The following ZNF33B variants were observed in gnomAD, a reference collection of about 807,000 sequenced individuals.
ZNF33B encodes the protein zinc finger protein 33B, also known as zinc finger protein 11b (KOX 2).
A neutral mutation model predicts 45.8 loss-of-function variants in ZNF33B; 29 were observed. The ratio of observed to expected loss-of-function variants is 0.63; its 90% CI spans 0.47 to 0.86. The LOEUF is 0.86. ZNF33B is among the 40% of genes least tolerant of loss of function. The probability of loss-of-function intolerance (pLI) is 0.00; values close to 1 mark genes in which losing one functional copy is unlikely to be tolerated. For synonymous variants in ZNF33B, 305 were observed against 307.8 expected, an observed-to-expected ratio of 0.99 and a Z score of 0.10; for missense variants, 831 against 909.9, an observed-to-expected ratio of 0.91 and a Z score of 1.12.
At chr10:42,575,594 C>A (rs186585571) in intron 1 of ZNF33B, among the ~76,000 whole-genome samples, 20 of 152,020 alleles carry the variant, frequency 1.3e-4, no homozygotes, top group Admixed American at 1.2e-3. Flanking sequence ...AATATTTCCA[C>A]AATTATGATG....
intron 4 of ZNF33B, among the ~76,000 whole-genome samples, chr10:42,617,843 T>C (rs951413575): frequency 1.3e-5 from 2 of 152,208 alleles, no homozygotes; most frequent in South Asian, 2.1e-4. Flanking sequence ...AATTGGCTAA[T>C]AGATTTCAAA....
intron 4 of ZNF33B, among the ~76,000 whole-genome samples, chr10:42,619,385 C>T (rs1165652313): frequency 6.6e-6 from 1 of 152,112 alleles, no homozygotes; most frequent in African/African-American, 2.4e-5. Flanking sequence ...TCTGAGAATT[C>T]TCTAGCTGGT....
chr10:42,612,227 A>G (rs867295490), intron 4 of ZNF33B, among the ~76,000 whole-genome samples: 3,027 of 138,950 alleles, frequency 0.022, 74 homozygotes, highest in Admixed American at 0.098. Context: ...CAGGTTACAG[A>G]AGTTGATTTT....
At chr10:42,631,233 TC>T (rs1839039142) in intron 4 of ZNF33B, among the ~76,000 whole-genome samples, 1 of 151,952 alleles carries the variant, frequency 6.6e-6, no homozygotes, top group South Asian at 2.1e-4. Flanking sequence ...TGAGACAGAG[TC>T]TCGCTCTGTC....
intron 1 of ZNF33B, among the ~76,000 whole-genome samples, chr10:42,577,184 G>C (rs761590423): frequency 2.0e-5 from 3 of 148,302 alleles, no homozygotes; most frequent in Non-Finnish European, 3.0e-5. Context: ...AAGATGGCTA[G>C]AGAGGACAGC....
At chr10:42,629,824 C>T (rs1838970519) in intron 4 of ZNF33B, among the ~76,000 whole-genome samples, 2 of 152,242 alleles carry the variant, frequency 1.3e-5, no homozygotes, top group South Asian at 2.1e-4. Flanking sequence ...AAGTGTACCA[C>T]ATTTTATAGT....
At chr10:42,633,734 G>A (rs888684524) in intron 2 of ZNF33B, among the ~76,000 whole-genome samples, 11 of 152,140 alleles carry the variant, frequency 7.2e-5, no homozygotes, top group South Asian at 2.1e-4. Context: ...TTGGGAGGCC[G>A]AGGCGGGTGG....
intron 4 of ZNF33B, among the ~76,000 whole-genome samples, chr10:42,613,364 A>G (rs1330498551): frequency 6.6e-6 from 1 of 152,072 alleles, no homozygotes; most frequent in Non-Finnish European, 1.5e-5. Context: ...CCTGTACAAC[A>G]TGGCAAAATC....
intron 1 of ZNF33B, among the ~76,000 whole-genome samples, chr10:42,575,761 C>T (rs1836740553): frequency 6.8e-6 from 1 of 147,722 alleles, no homozygotes; most frequent in African/African-American, 2.5e-5. Context: ...GACAGAGTCT[C>T]ACTGTGTAGC....
intron 4 of ZNF33B, among the ~76,000 whole-genome samples, chr10:42,614,814 C>T (rs1408856279): frequency 5.3e-5 from 8 of 152,032 alleles, no homozygotes; most frequent in Middle Eastern, 3.4e-3. Context: ...ATTAGCCAGG[C>T]GTGGTGGTGG....
chr10:42,610,552 A>ATAAG (rs1838058821), intron 4 of ZNF33B, among the ~76,000 whole-genome samples: 2 of 152,234 alleles, frequency 1.3e-5, no homozygotes, highest in South Asian at 4.1e-4. Flanking sequence ...AAATAAATAA[A>ATAAG]TAAGTAAATT....
chr10:42,604,516 T>A (rs1234287323), intron 4 of ZNF33B, among the ~76,000 whole-genome samples: 1 of 152,138 alleles, frequency 6.6e-6, no homozygotes, highest in South Asian at 2.1e-4. Flanking sequence ...TATGATGATG[T>A]CTCATCAAAC....
intron 1 of ZNF33B, among the ~76,000 whole-genome samples, chr10:42,574,947 C>T (rs2132009081): frequency 6.6e-6 from 1 of 152,272 alleles, no homozygotes; most frequent in Non-Finnish European, 1.5e-5. Flanking sequence ...CTCTACATTA[C>T]AGTTTATCAT....
At chr10:42,597,730 T>C (rs918696341) in intron 4 of ZNF33B, among the ~76,000 whole-genome samples, 4 of 152,094 alleles carry the variant, frequency 2.6e-5, no homozygotes, top group African/African-American at 9.7e-5. Context: ...TACTGCACAA[T>C]AAAAGTTAAA....
chr10:42,608,534 T>G (rs1045642766), intron 4 of ZNF33B, among the ~76,000 whole-genome samples: 1 of 151,480 alleles, frequency 6.6e-6, no homozygotes, highest in African/African-American at 2.4e-5. Flanking sequence ...ATATAATACA[T>G]TCCAAAGTTA....
At chr10:42,632,547 G>A (rs1839109879) in intron 2 of ZNF33B, 108 bp from the exon 3 acceptor site, 1 of 1,402,806 alleles carries the variant, frequency 7.1e-7, no homozygotes, top group Middle Eastern at 1.8e-4. Context: ...AGGGAAAAAA[G>A]AAATCATAAC....
chr10:42,587,904 C>T (rs757925347), downstream of ZNF33B, among the ~76,000 whole-genome samples: 8 of 152,270 alleles, frequency 5.3e-5, no homozygotes, highest in South Asian at 2.1e-4. Flanking sequence ...CAAGTGAAGG[C>T]GCAGCACAGG....
intron 2 of ZNF33B, among the ~76,000 whole-genome samples, chr10:42,634,058 A>G (rs905464893): frequency 1.3e-5 from 2 of 152,190 alleles, no homozygotes; most frequent in African/African-American, 4.8e-5. Flanking sequence ...GCTCAAAGCC[A>G]TCAAGAGAAA....
intron 1 of ZNF33B, among the ~76,000 whole-genome samples, chr10:42,578,270 T>C (rs538196995): frequency 2.0e-5 from 3 of 152,326 alleles, no homozygotes; most frequent in Non-Finnish European, 4.4e-5. Context: ...CATGAAGGGC[T>C]CCTGTTTCTC....
Sources: allele counts gnomAD v4.1 joint callset (sites outside exome capture counted in the v4.1 genomes callset), GRCh38; gene constraint gnomAD v4.1.1; transcripts MANE v1.5; gene names NCBI Gene and HGNC (gene_info 2026-07-23, HGNC 2026-07-21).